ALDH1A2: variants seen among roughly 807,000 people sequenced by gnomAD.
ALDH1A2 encodes the protein aldehyde dehydrogenase 1 family member A2, also known as retinal dehydrogenase 2.
In ALDH1A2, 27 loss-of-function variants were observed where a neutral mutation model predicts 60.3. The ratio of observed to expected loss-of-function variants is 0.45; its 90% CI spans 0.33 to 0.62. The LOEUF (loss-of-function observed/expected upper bound fraction) is 0.62. Ranked by LOEUF, ALDH1A2 falls within the 20% of genes least tolerant of loss-of-function variation. The pLI is 0.02. For synonymous variants in ALDH1A2, 289 were observed against 232.4 expected (o/e 1.24, Z -2.21); for missense variants, 581 against 643.8 (o/e 0.90, Z 1.06).
chr15:58,048,898 A>C (rs1317607742), intron 1 of ALDH1A2, among the ~76,000 whole-genome samples: 1 of 151,980 alleles, frequency 6.6e-6, no homozygotes, highest in Non-Finnish European at 1.5e-5. Flanking sequence ...CCATCCCCAC[A>C]GTCAAGATAA....
intron 1 of ALDH1A2, among the ~76,000 whole-genome samples, chr15:58,027,043 T>C (rs751505701): frequency 2.0e-5 from 3 of 152,114 alleles, no homozygotes; most frequent in Non-Finnish European, 4.4e-5. Flanking sequence ...AGCACGGTGT[T>C]TGAGCTATGA....
intron 1 of ALDH1A2, among the ~76,000 whole-genome samples, chr15:58,052,752 C>T (rs1040117594): frequency 2.6e-5 from 4 of 152,094 alleles, no homozygotes; most frequent in Admixed American, 6.5e-5. Flanking sequence ...GGTCAGAACA[C>T]GGGTCTTCTA....
intron 4 of ALDH1A2, among the ~76,000 whole-genome samples, chr15:58,004,116 G>A (rs1349656576): frequency 2.0e-5 from 3 of 151,846 alleles, no homozygotes; most frequent in Non-Finnish European, 4.4e-5. Context: ...TTGCTCAAAA[G>A]TGGTCATGAG....
At chr15:58,037,528 A>G (rs776013301) in intron 1 of ALDH1A2, among the ~76,000 whole-genome samples, 36 of 151,802 alleles carry the variant, frequency 2.4e-4, no homozygotes, top group Middle Eastern at 3.4e-3. Flanking sequence ...TCATGAAAGT[A>G]TTGTTAGAAA....
chr15:58,017,702 C>T (rs909540690), intron 1 of ALDH1A2, among the ~76,000 whole-genome samples: 2 of 152,072 alleles, frequency 1.3e-5, no homozygotes, highest in African/African-American at 4.8e-5. Flanking sequence ...TACATTACCT[C>T]CAAAATCAGG....
At chr15:58,022,410 C>T (rs1003270812) in intron 1 of ALDH1A2, among the ~76,000 whole-genome samples, 1 of 152,136 alleles carries the variant, frequency 6.6e-6, no homozygotes, top group South Asian at 2.1e-4. Context: ...AATATCCATG[C>T]ACACTACTCA....
At chr15:58,030,518 T>C (rs1341983396) in intron 1 of ALDH1A2, among the ~76,000 whole-genome samples, 3 of 152,162 alleles carry the variant, frequency 2.0e-5, no homozygotes, top group South Asian at 2.1e-4. Context: ...CTCTTCAGCA[T>C]AGTATTGGAA....
At chr15:57,965,682 A>G (rs747337153) in intron 8 of ALDH1A2, 43 bp downstream of exon 8, 1 of 1,376,186 alleles carries the variant, frequency 7.3e-7, no homozygotes, top group Non-Finnish European at 1.0e-6. Flanking sequence ...AGAGCACCAA[A>G]GGGTGTGTGG....
rs2704185 is a variant in ALDH1A2, at chr15:58,041,651, C to T, written c.117+23883G>A. On this transcript the variant is annotated intron_variant, in intron 1 of 12. Coordinates refer to ENST00000249750, the MANE Select transcript of ALDH1A2 (RefSeq NM_003888.4). The stretch of plus-strand genomic sequence containing the variant: ...GGCCTCTTTTACAAGGACACTAATC[C>T]CACTCATGAGGGCTCTGCCCTCATG... Among the ~76,000 whole-genome samples, 1,065 of 151,926 alleles carry T rather than the reference C, an allele frequency of 7.0e-3. 20 individuals are homozygous for T. Among genetic ancestry groups the T allele is most frequent in the African/African-American group, 0.024 (1,005 of 41,498 alleles).
chr15:57,970,734 TA>T (rs1197480567), intron 7 of ALDH1A2, among the ~76,000 whole-genome samples: 1 of 152,146 alleles, frequency 6.6e-6, no homozygotes, highest in Non-Finnish European at 1.5e-5. Flanking sequence ...AACACCTTTT[TA>T]AAAATGGAAA....
intron 1 of ALDH1A2, among the ~76,000 whole-genome samples, chr15:58,050,258 C>T (rs1192253350): frequency 1.3e-5 from 2 of 151,834 alleles, no homozygotes; most frequent in East Asian, 1.9e-4. Flanking sequence ...TTAAAGAATT[C>T]CTTGGTTTTT....
intron 4 of ALDH1A2, among the ~76,000 whole-genome samples, chr15:58,004,728 T>C (rs71407065): frequency 0.27 from 12,200 of 44,872 alleles, 605 homozygotes; most frequent in East Asian, 0.39. Context: ...TGTATATATA[T>C]ACATATATAT....
intron 4 of ALDH1A2, among the ~76,000 whole-genome samples, chr15:58,004,612 G>T (rs948962119): frequency 6.6e-6 from 1 of 150,978 alleles, no homozygotes; most frequent in Non-Finnish European, 1.5e-5. Flanking sequence ...ACTTATTTCA[G>T]TATAATGGCC....
chr15:58,044,673 C>T (rs1327063147), intron 1 of ALDH1A2, among the ~76,000 whole-genome samples: 5 of 152,108 alleles, frequency 3.3e-5, no homozygotes, highest in African/African-American at 9.6e-5. Flanking sequence ...AACAACCAGA[C>T]TATTACAATC....
chr15:57,982,088 A>T (rs1894534709), intron 7 of ALDH1A2, among the ~76,000 whole-genome samples: 2 of 152,136 alleles, frequency 1.3e-5, no homozygotes, highest in Admixed American at 1.3e-4. Flanking sequence ...ACAGATTAGT[A>T]CCCACCTGAA....
Position 57,984,489 on chromosome 15 carries a change from T to C in ALDH1A2, c.798+8216A>G, listed in dbSNP as rs34641856. 6.0e-3 allele frequency among the ~76,000 whole-genome samples: 908 copies of C among 152,300 alleles called. 11 individuals carry two copies. Among genetic ancestry groups the C allele is most frequent in the African/African-American group, 0.021 (863 of 41,558 alleles). ...CATTACTTCTATCTGAGGACATAAA[T>C]ACCCCAAAAAGATACTTCATATTCC... On this transcript the variant is annotated intron_variant, in intron 7 of 12. Coordinates refer to ENST00000249750, the MANE Select transcript of ALDH1A2 (RefSeq NM_003888.4).
At chr15:58,048,432 A>G (rs1358668641) in intron 1 of ALDH1A2, among the ~76,000 whole-genome samples, 3 of 152,060 alleles carry the variant, frequency 2.0e-5, no homozygotes, top group East Asian at 3.9e-4. Flanking sequence ...GTGAAAGGAC[A>G]CAGATGAGAC....
intron 12 of ALDH1A2, among the ~76,000 whole-genome samples, chr15:57,959,442 A>G (rs1406209084): frequency 2.0e-5 from 3 of 152,244 alleles, no homozygotes; most frequent in Non-Finnish European, 4.4e-5. Context: ...TCTGGCTGTC[A>G]GAACAGAAGT....
At chr15:58,046,669 C>T (rs1476089427) in intron 1 of ALDH1A2, among the ~76,000 whole-genome samples, 1 of 151,980 alleles carries the variant, frequency 6.6e-6, no homozygotes, top group Non-Finnish European at 1.5e-5. Context: ...AGCTATTGCA[C>T]AATTAGTGAG....
Sources: allele counts gnomAD v4.1 joint callset (sites outside exome capture counted in the v4.1 genomes callset), GRCh38; gene constraint gnomAD v4.1.1; transcripts MANE v1.5; gene names NCBI Gene and HGNC (gene_info 2026-07-23, HGNC 2026-07-21).